Variants in LDLRAD4 observed in about 807,000 individuals in gnomAD.
LDLRAD4 encodes the protein low-density lipoprotein receptor class A domain-containing protein 4.
In LDLRAD4, 5 loss-of-function variants were observed where a neutral mutation model predicts 17.0. The ratio of observed to expected loss-of-function variants is 0.29; its 90% CI spans 0.15 to 0.62. The LOEUF is 0.62. LDLRAD4 is among the 20% of genes least tolerant of loss of function. The probability of loss-of-function intolerance (pLI) is 0.84; values close to 1 mark genes in which losing one functional copy is unlikely to be tolerated. For missense variants in LDLRAD4, 340 were observed against 424.7 expected (o/e 0.80, Z 1.75); for synonymous variants, 168 against 171.8 (o/e 0.98, Z 0.17).
chr18:13,588,280 TCTC>T (rs1410677997), intron 3 of LDLRAD4, among the ~76,000 whole-genome samples: 1 of 152,156 alleles, frequency 6.6e-6, no homozygotes, highest in Non-Finnish European at 1.5e-5. Context: ...GGGGCTTTCT[TCTC>T]CTTCTCCTTT....
intron 4 of LDLRAD4, among the ~76,000 whole-genome samples, chr18:13,637,010 C>G (rs1293748042): frequency 6.6e-6 from 1 of 152,124 alleles, no homozygotes; most frequent in East Asian, 1.9e-4. Context: ...GTTGGCCAGA[C>G]TGGTCTTGAA....
At chr18:13,463,924 T>G (rs2092529101) in intron 3 of LDLRAD4, among the ~76,000 whole-genome samples, 1 of 152,266 alleles carries the variant, frequency 6.6e-6, no homozygotes, top group Non-Finnish European at 1.5e-5. Flanking sequence ...AATTTCTGCC[T>G]CTTATATGTG....
intron 1 of LDLRAD4, among the ~76,000 whole-genome samples, chr18:13,324,298 T>G (rs2081402340): frequency 7.1e-6 from 1 of 140,402 alleles, no homozygotes; most frequent in Admixed American, 7.1e-5. Context: ...CCACCACACC[T>G]GGCTAATTTT....
chr18:13,499,678 C>T (rs1479154488), intron 3 of LDLRAD4, among the ~76,000 whole-genome samples: 2 of 150,616 alleles, frequency 1.3e-5, no homozygotes, highest in Non-Finnish European at 3.0e-5. Context: ...CGCACACGTC[C>T]TGCCATGGAC....
At chr18:13,542,661 G>A (rs1470738441) in intron 3 of LDLRAD4, among the ~76,000 whole-genome samples, 1 of 152,206 alleles carries the variant, frequency 6.6e-6, no homozygotes, top group Non-Finnish European at 1.5e-5. Context: ...AAGATAAGGA[G>A]GCGGGGCGGG....
intron 3 of LDLRAD4, among the ~76,000 whole-genome samples, chr18:13,601,305 C>T (rs1253491260): frequency 6.6e-6 from 1 of 152,136 alleles, no homozygotes; most frequent in Non-Finnish European, 1.5e-5. Context: ...CCACTAAAAA[C>T]TGGGCAAAGG....
At chr18:13,483,649 A>G (rs1164844180) in intron 3 of LDLRAD4, among the ~76,000 whole-genome samples, 1 of 152,022 alleles carries the variant, frequency 6.6e-6, no homozygotes, top group Non-Finnish European at 1.5e-5. Context: ...TGCTTACCAA[A>G]CGCCAGATAC....
intron 1 of LDLRAD4, among the ~76,000 whole-genome samples, chr18:13,385,762 C>G (rs1196210511): frequency 6.6e-6 from 1 of 152,144 alleles, no homozygotes; most frequent in Non-Finnish European, 1.5e-5. Flanking sequence ...CCTGTAGGAC[C>G]TGCATGTTGG....
chr18:13,601,840 A>G (rs904987489), intron 3 of LDLRAD4, among the ~76,000 whole-genome samples: 2 of 152,186 alleles, frequency 1.3e-5, no homozygotes, highest in Admixed American at 1.3e-4. Flanking sequence ...AAATCAGTCT[A>G]CCAAAAAGAC....
intron 4 of LDLRAD4, among the ~76,000 whole-genome samples, chr18:13,624,033 C>T (rs2040887787): frequency 6.6e-6 from 1 of 152,210 alleles, no homozygotes. Context: ...ATGTGTCCTA[C>T]AGTACGCGGG....
intron 1 of LDLRAD4, chr18:13,240,783 G>C (rs2042600563): frequency 6.6e-6 from 1 of 152,316 alleles, no homozygotes; most frequent in Non-Finnish European, 1.5e-5. Context: ...CTAGCACATA[G>C]TAGGTCTTCA....
intron 1 of LDLRAD4, among the ~76,000 whole-genome samples, chr18:13,343,176 G>A (rs773278877): frequency 6.6e-6 from 1 of 151,874 alleles, no homozygotes; most frequent in Non-Finnish European, 1.5e-5. Context: ...TTGGTGTGCT[G>A]CACTCATTAA....
intron 1 of LDLRAD4, among the ~76,000 whole-genome samples, chr18:13,226,641 G>C (rs1163767069): frequency 6.6e-6 from 1 of 151,504 alleles, no homozygotes; most frequent in East Asian, 1.9e-4. Context: ...ATTTTGTTAA[G>C]GCCAAACATC....
intron 4 of LDLRAD4, among the ~76,000 whole-genome samples, chr18:13,634,644 A>G (rs1042077766): frequency 6.6e-6 from 1 of 152,328 alleles, no homozygotes; most frequent in African/African-American, 2.4e-5. Flanking sequence ...AGTACTACTA[A>G]AAGCAGTGTA....
chr18:13,461,131 C>T lies in LDLRAD4; in HGVS notation c.181+22747C>T, dbSNP rs538655729. On this transcript the variant is annotated intron_variant, in intron 3 of 5. Transcript: ENST00000359446. ...GGGAACTGAGGCGGGCTGGCCTTGT[C>T]TCCCCAGCGCCTGCTCACAGAAGGT... 94 of 152,510 alleles carry T rather than the reference C, an allele frequency of 6.2e-4. 1 individual carries two copies. Among genetic ancestry groups the T allele is most frequent in the African/African-American group, 2.2e-3 (92 of 41,580 alleles). The allele number at this position is 152,510 out of a possible 1,614,324, so 9.4% of individuals were successfully genotyped here. A position where few individuals can be genotyped will look rare whatever the true frequency, so the allele number is the denominator to read the frequency against.
intron 1 of LDLRAD4, among the ~76,000 whole-genome samples, chr18:13,250,423 A>G (rs751101783): frequency 6.6e-6 from 1 of 152,116 alleles, no homozygotes; most frequent in Admixed American, 6.5e-5. Flanking sequence ...TTGAGACAAA[A>G]AACAAAGATC....
chr18:13,579,733 G>A (rs1472534431), intron 3 of LDLRAD4, among the ~76,000 whole-genome samples: 1 of 152,210 alleles, frequency 6.6e-6, no homozygotes, highest in Non-Finnish European at 1.5e-5. Flanking sequence ...AAGAATGTAT[G>A]CATTAAAGAG....
chr18:13,503,242 A>G (rs2093640876), intron 3 of LDLRAD4, among the ~76,000 whole-genome samples: 1 of 152,208 alleles, frequency 6.6e-6, no homozygotes, highest in Non-Finnish European at 1.5e-5. Context: ...CCTAGGTACT[A>G]ACTGTTGGAA....
chr18:13,364,827 G>C (rs1254296464), intron 1 of LDLRAD4, among the ~76,000 whole-genome samples: 1 of 152,216 alleles, frequency 6.6e-6, no homozygotes, highest in Non-Finnish European at 1.5e-5. Context: ...AAAGGAAGCA[G>C]CCAGCCTAAG....
Sources: allele counts gnomAD v4.1 joint callset (sites outside exome capture counted in the v4.1 genomes callset), GRCh38; gene constraint gnomAD v4.1.1; transcripts MANE v1.5; gene names NCBI Gene and HGNC (gene_info 2026-07-23, HGNC 2026-07-21).